NADK: variants seen among roughly 807,000 people sequenced by gnomAD.
The protein encoded by NADK is poly(P)/ATP NAD kinase.
A neutral mutation model predicts 49.8 loss-of-function variants in NADK; 22 were observed. The ratio of observed to expected loss-of-function variants is 0.44; its 90% CI spans 0.32 to 0.63. The LOEUF (loss-of-function observed/expected upper bound fraction) is 0.63. Ranked by LOEUF, NADK falls within the 30% of genes least tolerant of loss-of-function variation. The probability of loss-of-function intolerance (pLI) is 0.06; values close to 1 mark genes in which losing one functional copy is unlikely to be tolerated. For missense variants in NADK, 438 were observed against 609.4 expected (o/e 0.72, Z 2.96); for synonymous variants, 268 against 253.7 (o/e 1.06, Z -0.54).
intron 11 of NADK, 107 bp downstream of exon 11, chr1:1,753,460 G>A (rs569362153): frequency 1.2e-6 from 1 of 867,440 alleles, no homozygotes; most frequent in African/African-American, 1.7e-5. Context: ...GCCCTGTGGT[G>A]CCCTAGGGGA....
chr1:1,770,436 A>G (rs1057293538), intron 1 of NADK, among the ~76,000 whole-genome samples: 1 of 152,256 alleles, frequency 6.6e-6, no homozygotes, highest in African/African-American at 2.4e-5. Context: ...AGAAAAACAA[A>G]TAAGTGAGTT....
At chr1:1,756,878 C>T (rs780175471) in intron 4 of NADK, 1 of 803,642 alleles carries the variant, frequency 1.2e-6, no homozygotes, top group African/African-American at 1.7e-5. Flanking sequence ...CCCACGCCTG[C>T]TCTTCTGAAG....
intron 1 of NADK, among the ~76,000 whole-genome samples, chr1:1,777,149 G>A (rs1342197944): frequency 1.3e-5 from 2 of 152,118 alleles, no homozygotes; most frequent in East Asian, 1.9e-4. Context: ...TATTTTGTTG[G>A]GTACTGCGGT....
rs373553475 is a variant in NADK, at chr1:1,772,095, C to T, written c.-41+6194G>A. ...AAGTGTTGGGATTACAGGCGTGAGCCACCTCACCCAGCTGGAAAAAGTCTT... is the reference window on the plus strand; with the variant it reads ...AAGTGTTGGGATTACAGGCGTGAGCTACCTCACCCAGCTGGAAAAAGTCTT... On this transcript the variant is annotated intron_variant, in intron 1 of 11. Transcript: ENST00000341426. 1.0e-3 allele frequency among the ~76,000 whole-genome samples: 155 copies of T among 152,118 alleles called. 1 individual carries two copies. The highest frequency in any genetic ancestry group is 3.6e-3 in the African/African-American group (149 of 41,478).
chr1:1,766,236 ATC>A (rs1366754877), intron 1 of NADK, among the ~76,000 whole-genome samples: 1 of 151,774 alleles, frequency 6.6e-6, no homozygotes, highest in African/African-American at 2.4e-5. Context: ...AGAAACCCCC[ATC>A]TCTATTAAAA....
chr1:1,779,667 T>TTGTGTGTGTG (rs34618817), upstream of NADK, among the ~76,000 whole-genome samples: 12 of 148,694 alleles, frequency 8.1e-5, no homozygotes, highest in African/African-American at 3.0e-4. Context: ...ATATATATAT[T>TTGTGTGTGTG]TGTGTGTGTG....
intron 3 of NADK, among the ~76,000 whole-genome samples, chr1:1,760,616 G>A (rs535206407): frequency 6.6e-6 from 1 of 152,190 alleles, no homozygotes; most frequent in South Asian, 2.1e-4. Flanking sequence ...GGAACACTCG[G>A]CCCTTCCGCA....
At position 1,752,819 on chromosome 1, in the gene NADK, C is replaced by A. The variant is rs530884641; in HGVS notation, c.*85G>T. The A allele has an allele frequency of 6.8e-6, 10 of 1,475,678 alleles. No individual in the cohort carries two copies. Among genetic ancestry groups the A allele is most frequent in the Admixed American group, 3.9e-5 (2 of 51,948 alleles). 91.4% of individuals were successfully genotyped at this position (1,475,678 alleles called of 1,614,324 possible). Reference sequence around the variant, plus strand: ...GAAGTGGCCGTGCCACTGAGACAGGCGGTCACAGACACACGCAGATTGGTC... The same window carrying A: ...GAAGTGGCCGTGCCACTGAGACAGGAGGTCACAGACACACGCAGATTGGTC... On this transcript the variant is annotated 3_prime_UTR_variant, in exon 12 of 12. Transcript: ENST00000341426.
At chr1:1,758,740 A>T in intron 3 of NADK, 17 of 820,518 alleles carry the variant, frequency 2.1e-5, no homozygotes, top group Non-Finnish European at 2.2e-5. Context: ...TCTGAAAAAA[A>T]GTCCTCAGTT....
chr1:1,756,796 G>A, intron 4 of NADK, 188 bp from the exon 5 acceptor site: 2 of 1,034,426 alleles, frequency 1.9e-6, no homozygotes, highest in Non-Finnish European at 3.0e-6. Flanking sequence ...AGATGACTGG[G>A]CGGAGGGGGC....
At chr1:1,753,544 C>G in intron 11 of NADK, 23 bp downstream of exon 11, 2 of 1,602,952 alleles carry the variant, frequency 1.2e-6, no homozygotes, top group Non-Finnish European at 1.7e-6. Context: ...CAGGCAGCGC[C>G]CAGCCCGGCA....
chr1:1,759,530 C>T (rs1243264558), intron 3 of NADK, among the ~76,000 whole-genome samples: 2 of 152,222 alleles, frequency 1.3e-5, no homozygotes, highest in African/African-American at 4.8e-5. Flanking sequence ...AAGCGGGTGC[C>T]CTCCTCACCA....
At chr1:1,756,968 C>T in intron 4 of NADK, 1 of 875,164 alleles carries the variant, frequency 1.1e-6, no homozygotes, top group East Asian at 2.6e-5. Flanking sequence ...ACGAGCCCAC[C>T]AGCTCATTGT....
chr1:1,763,513 G>C (rs1293953611), intron 2 of NADK, among the ~76,000 whole-genome samples: 1 of 151,706 alleles, frequency 6.6e-6, no homozygotes, highest in African/African-American at 2.4e-5. Context: ...CAGCTACTCA[G>C]GAGGCTGAGG....
At chr1:1,770,942 GGAGGCT>G (rs1285455060) in intron 1 of NADK, among the ~76,000 whole-genome samples, 2 of 149,908 alleles carry the variant, frequency 1.3e-5, no homozygotes, top group East Asian at 3.9e-4. Context: ...CAGCTATTTG[GGAGGCT>G]GAGGCAGGAG....
chr1:1,764,996 G>C (rs1188681628), intron 2 of NADK, among the ~76,000 whole-genome samples: 1 of 152,226 alleles, frequency 6.6e-6, no homozygotes, highest in Non-Finnish European at 1.5e-5. Context: ...GACAGATAGA[G>C]AAACACGGTG....
chr1:1,767,979 C>T (rs1156793598), intron 1 of NADK, among the ~76,000 whole-genome samples: 1 of 151,920 alleles, frequency 6.6e-6, no homozygotes, highest in Non-Finnish European at 1.5e-5. Flanking sequence ...TCAAGACCAG[C>T]CTGACCAACA....
At position 1,756,509 on chromosome 1, in the gene NADK, G is replaced by A. The variant is rs965784613; in HGVS notation, c.493C>T (p.Arg165Ter). The change falls in exon 5 of 12, where the codon CGA (arginine) becomes TGA (stop). Residue 165 changes from arginine (R) to a stop codon, truncating the protein, a stop_gained. Transcript: ENST00000341426. LOFTEE classifies it high-confidence loss of function. ...AGAGCTGCTGACAGCCCACCTTCTCGAAAGGTACAGAATTTCTTCTTCACT... is the reference window on the plus strand; with the variant it reads ...AGAGCTGCTGACAGCCCACCTTCTCAAAAGGTACAGAATTTCTTCTTCACT... ...GAVKKKFCTF[R>*]EDYDDISNQI... 13 of 1,613,898 alleles carry A rather than the reference G, an allele frequency of 8.1e-6. No individual in the cohort carries two copies. The highest frequency in any genetic ancestry group is 2.2e-5 in the East Asian group (1 of 44,890).
At chr1:1,765,573 A>G in intron 1 of NADK, 127 bp from the exon 2 acceptor site, 2 of 478,420 alleles carry the variant, frequency 4.2e-6, no homozygotes, top group Non-Finnish European at 7.0e-6. Context: ...TTACCAAAGT[A>G]CTTTGAAAAC....
Sources: gnomAD v4.1 joint callset for allele counts (sites outside exome capture counted in the v4.1 genomes callset) on GRCh38, gnomAD v4.1.1 for gene constraint, MANE v1.5 for transcripts, NCBI Gene and HGNC (gene_info 2026-07-23, HGNC 2026-07-21) for gene names.